PLGRKT: variants seen among roughly 807,000 people sequenced by gnomAD.
The protein encoded by PLGRKT is plasminogen receptor (KT).
In PLGRKT, 22 loss-of-function variants were observed where a neutral mutation model predicts 18.5. The observed-to-expected ratio is 1.19, with a 90% CI of 0.85 to 1.70. The LOEUF (loss-of-function observed/expected upper bound fraction) is 1.70. Among genes scored for constraint, PLGRKT ranks in the 40% most tolerant of loss-of-function variants. PLGRKT has a pLI of 0.00. For synonymous variants in PLGRKT, 72 were observed against 52.8 expected, an observed-to-expected ratio of 1.36 and a Z score of -1.58; for missense variants, 235 against 174.4, an observed-to-expected ratio of 1.35 and a Z score of -1.96.
intron 3 of PLGRKT, among the ~76,000 whole-genome samples, chr9:5,397,373 T>C (rs921758565): frequency 3.3e-5 from 5 of 152,088 alleles, no homozygotes; most frequent in African/African-American, 9.7e-5. Context: ...GTGTTCATCA[T>C]AGCACTTAGC....
At chr9:5,405,302 C>T (rs940409564) in intron 3 of PLGRKT, among the ~76,000 whole-genome samples, 3 of 152,164 alleles carry the variant, frequency 2.0e-5, no homozygotes, top group Non-Finnish European at 4.4e-5. Flanking sequence ...ATAGCCAAGA[C>T]AATCCTAAGC....
intron 3 of PLGRKT, among the ~76,000 whole-genome samples, chr9:5,396,905 G>A (rs550532050): frequency 3.4e-4 from 51 of 152,016 alleles, no homozygotes; most frequent in Admixed American, 7.8e-4. Context: ...TCAGTGAGTT[G>A]AAGAATCACA....
chr9:5,401,678 T>G (rs946298789), intron 3 of PLGRKT, among the ~76,000 whole-genome samples: 9 of 152,000 alleles, frequency 5.9e-5, no homozygotes, highest in African/African-American at 2.2e-4. Context: ...ATTTGTTAAT[T>G]GTTATATGAG....
chr9:5,381,998 C>T (rs1482099216), intron 3 of PLGRKT: 2 of 985,388 alleles, frequency 2.0e-6, no homozygotes, highest in Non-Finnish European at 1.2e-6. Flanking sequence ...CTTGTTTACC[C>T]AGTCACAAGA....
At chr9:5,366,583 A>G (rs1231573093) in intron 3 of PLGRKT, among the ~76,000 whole-genome samples, 1 of 152,194 alleles carries the variant, frequency 6.6e-6, no homozygotes, top group African/African-American at 2.4e-5. Flanking sequence ...CTAGGCATCG[A>G]AGGAACATAT....
intron 3 of PLGRKT, among the ~76,000 whole-genome samples, chr9:5,383,848 C>T (rs1043962597): frequency 3.3e-5 from 5 of 152,288 alleles, no homozygotes; most frequent in East Asian, 3.9e-4. Context: ...AGTACCAGTC[C>T]GTGGCCCAGG....
intron 3 of PLGRKT, chr9:5,381,939 G>A (rs1185201619): frequency 7.1e-6 from 7 of 984,698 alleles, no homozygotes; most frequent in South Asian, 9.4e-5. Context: ...TCCGAGACAG[G>A]GCCTCCATGC....
chr9:5,435,792 G>C (rs902524151), intron 2 of PLGRKT, among the ~76,000 whole-genome samples: 1 of 152,216 alleles, frequency 6.6e-6, no homozygotes, highest in Non-Finnish European at 1.5e-5. Flanking sequence ...AGGCTGTTGA[G>C]TAGGGTTGTG....
chr9:5,408,538 C>T (rs564521654), intron 3 of PLGRKT, among the ~76,000 whole-genome samples: 1 of 152,150 alleles, frequency 6.6e-6, no homozygotes, highest in Non-Finnish European at 1.5e-5. Flanking sequence ...AAAGAAATGA[C>T]CTAAAACTGG....
intron 3 of PLGRKT, among the ~76,000 whole-genome samples, chr9:5,366,125 C>G (rs1278638374): frequency 1.3e-5 from 2 of 152,112 alleles, no homozygotes; most frequent in Admixed American, 6.6e-5. Flanking sequence ...TATCTGCACA[C>G]ATCTTAAAAA....
At chr9:5,417,189 G>A (rs1818478252) in intron 3 of PLGRKT, among the ~76,000 whole-genome samples, 1 of 152,140 alleles carries the variant, frequency 6.6e-6, no homozygotes. Flanking sequence ...GGGGCTGTGT[G>A]GGCAGAACCT....
At chr9:5,360,722 T>C (rs943580961) in intron 5 of PLGRKT, among the ~76,000 whole-genome samples, 1 of 152,246 alleles carries the variant, frequency 6.6e-6, no homozygotes, top group African/African-American at 2.4e-5. Flanking sequence ...GTATGGATAA[T>C]AGTAAATATT....
chr9:5,369,596 A>G lies in PLGRKT; in HGVS notation c.82-7708T>C, dbSNP rs560937430. Among the ~76,000 whole-genome samples the G allele has an allele frequency of 5.2e-4, 79 of 152,358 alleles. 1 individual carries two copies. The highest frequency in any genetic ancestry group is 5.1e-3 in the Admixed American group (78 of 15,306). On this transcript the variant is annotated intron_variant, in intron 3 of 5. Coordinates refer to ENST00000223864, the MANE Select transcript of PLGRKT (RefSeq NM_018465.4). Reference sequence around the variant, plus strand: ...ACCCAGCAATCCCATTACTGGTTATATACCCAAAGGATTATAAATTACTAT... The same window carrying G: ...ACCCAGCAATCCCATTACTGGTTATGTACCCAAAGGATTATAAATTACTAT...
chr9:5,360,782 T>A (rs1022010972), intron 5 of PLGRKT, among the ~76,000 whole-genome samples: 1 of 152,258 alleles, frequency 6.6e-6, no homozygotes, highest in African/African-American at 2.4e-5. Flanking sequence ...CACAATTTAA[T>A]ATTATTTATT....
chr9:5,375,211 C>T (rs78877877), intron 3 of PLGRKT, among the ~76,000 whole-genome samples: 2 of 152,178 alleles, frequency 1.3e-5, no homozygotes, highest in African/African-American at 4.8e-5. Context: ...TTTAGTCACA[C>T]TGACTTCCTT....
intron 3 of PLGRKT, among the ~76,000 whole-genome samples, chr9:5,381,297 G>C (rs551430720): frequency 2.6e-5 from 4 of 152,198 alleles, no homozygotes; most frequent in Non-Finnish European, 4.4e-5. Context: ...ATGGTTTCAC[G>C]GGCCAGGCCC....
intron 2 of PLGRKT, among the ~76,000 whole-genome samples, chr9:5,432,727 G>T (rs926711537): frequency 2.0e-5 from 3 of 152,202 alleles, no homozygotes; most frequent in African/African-American, 7.2e-5. Context: ...CGAGCTCCTG[G>T]CCTCGGGTGA....
intron 3 of PLGRKT, among the ~76,000 whole-genome samples, chr9:5,402,955 T>A (rs1227603985): frequency 6.6e-6 from 1 of 151,834 alleles, no homozygotes; most frequent in Non-Finnish European, 1.5e-5. Flanking sequence ...GCAAGGGGCA[T>A]TAAAAACGTA....
chr9:5,366,239 G>T (rs1304566108), intron 3 of PLGRKT, among the ~76,000 whole-genome samples: 2 of 152,068 alleles, frequency 1.3e-5, no homozygotes, highest in Admixed American at 1.3e-4. Flanking sequence ...TTAACTATGT[G>T]TACATTCATT....
Sources: allele counts gnomAD v4.1 joint callset (sites outside exome capture counted in the v4.1 genomes callset), GRCh38; gene constraint gnomAD v4.1.1; transcripts MANE v1.5; gene names NCBI Gene and HGNC (gene_info 2026-07-23, HGNC 2026-07-21).